The following NTNG1 variants were observed in gnomAD, a reference collection of about 807,000 sequenced individuals.
The protein encoded by NTNG1 is netrin G1, also known as netrin-G1.
In NTNG1, 16 loss-of-function variants were observed where a neutral mutation model predicts 54.0. That is an observed-to-expected ratio of 0.30 (90% CI 0.20 to 0.45). The LOEUF is 0.45. Ranked by LOEUF, NTNG1 falls within the 20% of genes least tolerant of loss-of-function variation. The pLI, the probability that NTNG1 is intolerant of heterozygous loss-of-function variation, is 1.00. For synonymous variants in NTNG1, 255 were observed against 263.1 expected (o/e 0.97, Z 0.30); for missense variants, 530 against 678.7 (o/e 0.78, Z 2.43).
chr1:107,254,315 G>A (rs1348458783), intron 2 of NTNG1, among the ~76,000 whole-genome samples: 1 of 152,212 alleles, frequency 6.6e-6, no homozygotes, highest in African/African-American at 2.4e-5. Flanking sequence ...TTGTAAAATT[G>A]AGGTGAATAA....
intron 2 of NTNG1, among the ~76,000 whole-genome samples, chr1:107,187,375 T>C (rs1256045866): frequency 6.6e-6 from 1 of 152,166 alleles, no homozygotes; most frequent in African/African-American, 2.4e-5. Flanking sequence ...GGATGATTTA[T>C]AGCTTTTTAA....
intron 3 of NTNG1, among the ~76,000 whole-genome samples, chr1:107,335,218 C>T (rs1476188723): frequency 6.6e-6 from 1 of 152,002 alleles, no homozygotes; most frequent in Non-Finnish European, 1.5e-5. Flanking sequence ...GAACTGCTCT[C>T]ATTCTCAAGC....
intron 5 of NTNG1, among the ~76,000 whole-genome samples, chr1:107,429,733 C>T (rs1675137719): frequency 6.6e-6 from 1 of 152,164 alleles, no homozygotes; most frequent in Admixed American, 6.6e-5. Context: ...ACAGATACCC[C>T]ACCTAGTTAC....
rs532023472 is a variant in NTNG1 at position 107,228,428 on chromosome 1, A to T, written c.246+79589A>T. 2.8e-4 allele frequency among the ~76,000 whole-genome samples: 43 copies of T among 152,270 alleles called. No homozygotes were observed. The South Asian group carries it at 8.9e-3, about 32-fold the overall frequency. On this transcript the variant is annotated intron_variant, in intron 2 of 7. Coordinates refer to ENST00000370068, the MANE Select transcript of NTNG1 (RefSeq NM_001113226.3). ...AAGATTCCAATTTAGGTTTTAGTAA[A>T]CTACTTGCATGTTTACAGAAAAGTC... is the stretch of plus-strand genomic sequence containing the variant.
chr1:107,421,652 G>A (rs11185112), intron 5 of NTNG1, among the ~76,000 whole-genome samples: 1 of 151,780 alleles, frequency 6.6e-6, no homozygotes, highest in Non-Finnish European at 1.5e-5. Context: ...TGTTGCTTAG[G>A]ATCCAAAAAT....
intron 1 of NTNG1, among the ~76,000 whole-genome samples, chr1:107,147,089 G>T (rs532656499): frequency 6.6e-6 from 1 of 152,036 alleles, no homozygotes; most frequent in South Asian, 2.1e-4. Flanking sequence ...TTCAGATTTG[G>T]ATAGTGATCT....
intron 2 of NTNG1, among the ~76,000 whole-genome samples, chr1:107,273,299 G>C (rs1265508961): frequency 6.6e-6 from 1 of 152,188 alleles, no homozygotes; most frequent in Non-Finnish European, 1.5e-5. Context: ...GGAATCAGAC[G>C]TTAGGTTGTT....
At chr1:107,274,762 G>A (rs572672071) in intron 2 of NTNG1, among the ~76,000 whole-genome samples, 2 of 152,280 alleles carry the variant, frequency 1.3e-5, no homozygotes, top group East Asian at 3.9e-4. Flanking sequence ...TGTGTTGGCT[G>A]AAGAATTTAT....
chr1:107,167,936 G>T (rs1570749812), intron 2 of NTNG1, among the ~76,000 whole-genome samples: 1 of 151,938 alleles, frequency 6.6e-6, no homozygotes, highest in Non-Finnish European at 1.5e-5. Context: ...CTTATGAAAG[G>T]CTCTGCAGAA....
At chr1:107,181,945 G>T (rs1657103219) in intron 2 of NTNG1, among the ~76,000 whole-genome samples, 1 of 151,902 alleles carries the variant, frequency 6.6e-6, no homozygotes, top group African/African-American at 2.4e-5. Context: ...AAATGCCAGA[G>T]TACTCTCAAT....
intron 2 of NTNG1, among the ~76,000 whole-genome samples, chr1:107,234,330 C>T (rs189217953): frequency 6.6e-6 from 1 of 152,236 alleles, no homozygotes; most frequent in African/African-American, 2.4e-5. Context: ...CCCATATTGG[C>T]CAAGCTGGTC....
At chr1:107,352,604 G>A (rs1439495450) in intron 3 of NTNG1, among the ~76,000 whole-genome samples, 1 of 152,154 alleles carries the variant, frequency 6.6e-6, no homozygotes, top group Non-Finnish European at 1.5e-5. Flanking sequence ...CCTTCCAAAA[G>A]GGAGAAATCA....
intron 4 of NTNG1, among the ~76,000 whole-genome samples, chr1:107,406,634 C>T (rs1444039): frequency 0.26 from 40,225 of 152,004 alleles, 5,769 homozygotes; most frequent in East Asian, 0.3. Flanking sequence ...AAATCTCTGG[C>T]TTTTAATTAA....
chr1:107,397,735 T>C (rs1215630865), intron 4 of NTNG1, among the ~76,000 whole-genome samples: 4 of 138,174 alleles, frequency 2.9e-5, no homozygotes, highest in African/African-American at 1.1e-4. Context: ...TTATCAAACC[T>C]TTTTTTTTTT....
chr1:107,338,164 T>C (rs1668695532), intron 3 of NTNG1, among the ~76,000 whole-genome samples: 1 of 151,888 alleles, frequency 6.6e-6, no homozygotes, highest in African/African-American at 2.4e-5. Context: ...AGGGATGTAA[T>C]TGACTGTTGA....
chr1:107,309,394 C>A (rs886982499), intron 2 of NTNG1, among the ~76,000 whole-genome samples: 10 of 152,154 alleles, frequency 6.6e-5, no homozygotes, highest in African/African-American at 2.4e-4. Flanking sequence ...GCAGCAGATA[C>A]AGCATTTAAT....
rs949032016 is a variant in NTNG1 at position 107,212,113 on chromosome 1, T to TA, written c.246+63275dup. On this transcript the variant is annotated intron_variant, in intron 2 of 7. Transcript: ENST00000370068. ...ATTTTTTTCTTGGGGGAAAGCATTATATGAGAACTAGAAGGTGTAGGGGAG... is the reference window on the plus strand; with the variant it reads ...ATTTTTTTCTTGGGGGAAAGCATTATAATGAGAACTAGAAGGTGTAGGGGAG... Among the ~76,000 whole-genome samples, 12 of 152,146 alleles carry TA rather than the reference T, an allele frequency of 7.9e-5. 1 individual carries two copies. Among genetic ancestry groups the TA allele is most frequent in the Admixed American group, 7.9e-4 (12 of 15,266 alleles).
rs1160371267 is a variant in NTNG1 at position 107,290,984 on chromosome 1, T to TATATATATATATATATACACAC, written c.247-33297_247-33296insTATATATATATATATACACACA. On this transcript the variant is annotated intron_variant, in intron 2 of 7. Coordinates refer to ENST00000370068, the MANE Select transcript of NTNG1 (RefSeq NM_001113226.3). The stretch of plus-strand genomic sequence containing the variant: ...TATATTATATATATATATATATATA[T>TATATATATATATATATACACAC]ACACACACACATACATACACACGCA... 1.8e-3 allele frequency among the ~76,000 whole-genome samples: 252 copies of TATATATATATATATATACACAC among 139,968 alleles called. 2 individuals are homozygous for TATATATATATATATATACACAC. Among genetic ancestry groups the TATATATATATATATATACACAC allele is most frequent in the African/African-American group, 6.2e-3 (225 of 36,354 alleles). 91.8% of individuals were successfully genotyped at this position (139,968 alleles called of 152,430 possible).
intron 3 of NTNG1, among the ~76,000 whole-genome samples, chr1:107,336,522 T>C (rs1387026050): frequency 1.3e-5 from 2 of 151,936 alleles, no homozygotes; most frequent in African/African-American, 4.8e-5. Context: ...ATGAAATGTT[T>C]AGAAAAAAAC....
Sources: gnomAD v4.1 joint callset for allele counts (sites outside exome capture counted in the v4.1 genomes callset) on GRCh38, gnomAD v4.1.1 for gene constraint, MANE v1.5 for transcripts, NCBI Gene and HGNC (gene_info 2026-07-23, HGNC 2026-07-21) for gene names.